PMFBP1: variants seen among roughly 807,000 people sequenced by gnomAD.
PMFBP1 encodes polyamine-modulated factor 1-binding protein 1.
Under a neutral mutation model 137.8 loss-of-function variants are expected in PMFBP1, and 131 were observed. That is an observed-to-expected ratio of 0.95 (90% CI 0.82 to 1.10). The LOEUF is 1.10. Among genes scored for constraint, PMFBP1 ranks in the 50% least tolerant of loss-of-function variants. PMFBP1 has a pLI of 0.00. For missense variants in PMFBP1, 1,199 were observed against 1,175.4 expected, an observed-to-expected ratio of 1.02 and a Z score of -0.29; for synonymous variants, 490 against 450.4, an observed-to-expected ratio of 1.09 and a Z score of -1.11.
rs1473675341 is a variant in PMFBP1 at position 72,119,352 on chromosome 16, A to C, written c.3010T>G (p.Ser1004Ala). 2 of 1,614,078 alleles carry C rather than the reference A, an allele frequency of 1.2e-6. No homozygotes were observed. The highest frequency in any genetic ancestry group is 2.7e-5 in the African/African-American group (2 of 74,938). ...KYIGMPHCPG[S>A]SYC The stretch of plus-strand genomic sequence containing the variant: ...AGATGTGGATTCTAGCAGTATGAGG[A>C]ACCTGAGGGAACAGGGAGGAAATGA... The change falls in exon 21 of 21, where the codon TCC becomes GCC. Residue 1004 changes from serine to alanine, a missense_variant and splice_region_variant. Coordinates refer to ENST00000237353, the MANE Select transcript of PMFBP1 (RefSeq NM_031293.3).
At chr16:72,221,196 A>T in the PMFBP1 span, among the ~76,000 whole-genome samples, 2 of 152,222 alleles carry the variant, frequency 1.3e-5, no homozygotes, top group Non-Finnish European at 2.9e-5. Context: ...TAAAATGGAA[A>T]GAAAGGGTGC....
the PMFBP1 span, among the ~76,000 whole-genome samples, chr16:72,229,020 A>G: frequency 3.3e-5 from 5 of 151,974 alleles, no homozygotes; most frequent in African/African-American, 1.2e-4. Flanking sequence ...TCTAGCCTCA[A>G]GTAAGCCCAA....
the PMFBP1 span, among the ~76,000 whole-genome samples, chr16:72,195,356 A>T: frequency 6.6e-6 from 1 of 152,036 alleles, no homozygotes; most frequent in African/African-American, 2.4e-5. Flanking sequence ...CCTACACTGA[A>T]GTCTGACGGC....
the PMFBP1 span, among the ~76,000 whole-genome samples, chr16:72,201,023 C>T: frequency 6.6e-6 from 1 of 152,160 alleles, no homozygotes; most frequent in Non-Finnish European, 1.5e-5. Flanking sequence ...CTTAATGTTT[C>T]CCCATTTATT....
Position 72,165,033 on chromosome 16 carries a change from T to C in PMFBP1, c.13-117A>G, listed in dbSNP as rs566314998. 9 of 1,056,408 alleles carry C rather than the reference T, an allele frequency of 8.5e-6. No individual in the cohort carries two copies. In the South Asian group the frequency reaches 1.6e-4, roughly 19 times the overall value. The allele number at this position is 1,056,408 out of a possible 1,614,324, so 65.4% of individuals were successfully genotyped here. Reference sequence around the variant, plus strand: ...TGCTGGAAATTTGTCCATCAACCATTAGCTGTTATTACTCATCCTGTGTAA... The same window carrying C: ...TGCTGGAAATTTGTCCATCAACCATCAGCTGTTATTACTCATCCTGTGTAA... On this transcript the variant is annotated intron_variant, in intron 2 of 20. Transcript: ENST00000237353.
the PMFBP1 span, among the ~76,000 whole-genome samples, chr16:72,209,997 G>A: frequency 6.6e-6 from 1 of 152,150 alleles, no homozygotes; most frequent in African/African-American, 2.4e-5. Flanking sequence ...TCACCCTATG[G>A]GTAGTAACAG....
intron 16 of PMFBP1, 94 bp from the exon 17 acceptor site, chr16:72,125,028 T>A: frequency 6.8e-7 from 1 of 1,479,472 alleles, no homozygotes. Flanking sequence ...GGCCTTGGGA[T>A]ACGTGTTGGG....
At chr16:72,132,658 A>C in intron 10 of PMFBP1, 90 bp downstream of exon 10, 5 of 1,563,606 alleles carry the variant, frequency 3.2e-6, no homozygotes, top group South Asian at 1.2e-5. Context: ...GGCGAGGGGA[A>C]GTGGCCACTG....
At chr16:72,135,008 T>A (rs1004220580) in intron 9 of PMFBP1, among the ~76,000 whole-genome samples, 1 of 152,218 alleles carries the variant, frequency 6.6e-6, no homozygotes, top group Non-Finnish European at 1.5e-5. Context: ...ATTTTAGGGC[T>A]CAAAAATATT....
the PMFBP1 span, among the ~76,000 whole-genome samples, chr16:72,218,027 G>A: frequency 6.6e-6 from 1 of 152,170 alleles, no homozygotes; most frequent in African/African-American, 2.4e-5. Context: ...AGTATTTCCT[G>A]CTTATCCATA....
chr16:72,163,353 G>GT (rs2043092214), intron 3 of PMFBP1, among the ~76,000 whole-genome samples: 1 of 152,220 alleles, frequency 6.6e-6, no homozygotes, highest in African/African-American at 2.4e-5. Flanking sequence ...TAGATTTAGA[G>GT]CTTCCAAAGA....
chr16:72,237,062 A>G, the PMFBP1 span, among the ~76,000 whole-genome samples: 1 of 152,228 alleles, frequency 6.6e-6, no homozygotes, highest in Non-Finnish European at 1.5e-5. Context: ...ACTAAAGCCA[A>G]GTTACCTGTT....
chr16:72,160,303 C>T (rs570933010), intron 3 of PMFBP1, among the ~76,000 whole-genome samples: 23 of 152,144 alleles, frequency 1.5e-4, no homozygotes, highest in Non-Finnish European at 2.6e-4. Flanking sequence ...CTATAATTAC[C>T]GGGATTGTCC....
chr16:72,205,966 C>T, the PMFBP1 span, among the ~76,000 whole-genome samples: 1 of 152,154 alleles, frequency 6.6e-6, no homozygotes, highest in Non-Finnish European at 1.5e-5. Flanking sequence ...CAAACACACA[C>T]ACACAGAGCC....
the PMFBP1 span, among the ~76,000 whole-genome samples, chr16:72,226,255 C>T: frequency 0.52 from 79,149 of 151,966 alleles, 21,904 homozygotes; most frequent in East Asian, 0.75. Context: ...TCTTTCAATA[C>T]CTCATAGGTA....
intron 17 of PMFBP1, 108 bp downstream of exon 17, chr16:72,124,659 T>A (rs2042426333): frequency 7.3e-7 from 1 of 1,365,804 alleles, no homozygotes; most frequent in Non-Finnish European, 1.0e-6. Flanking sequence ...ACCTTTCCTT[T>A]GCTCCCAGGC....
At chr16:72,139,939 G>A (rs1487256054) in intron 6 of PMFBP1, among the ~76,000 whole-genome samples, 2 of 152,100 alleles carry the variant, frequency 1.3e-5, no homozygotes, top group Non-Finnish European at 2.9e-5. Flanking sequence ...CTAAGGGAGA[G>A]GACAGTATTG....
intron 20 of PMFBP1, 40 bp from the exon 21 acceptor site, chr16:72,119,394 A>G: frequency 6.2e-7 from 1 of 1,614,114 alleles, no homozygotes; most frequent in African/African-American, 1.3e-5. Context: ...TGATTCGAGG[A>G]GAAATTAACG....
intron 2 of PMFBP1, among the ~76,000 whole-genome samples, chr16:72,169,154 G>C (rs547667625): frequency 1.1e-3 from 167 of 152,202 alleles, no homozygotes; most frequent in African/African-American, 3.7e-3. Flanking sequence ...TCATCTTTGG[G>C]ATATTATCTT....
Sources: gnomAD v4.1 joint callset for allele counts (sites outside exome capture counted in the v4.1 genomes callset) on GRCh38, gnomAD v4.1.1 for gene constraint, MANE v1.5 for transcripts, NCBI Gene and HGNC (gene_info 2026-07-23, HGNC 2026-07-21) for gene names.